AUTS2: variants seen among roughly 807,000 people sequenced by gnomAD.
The protein encoded by AUTS2 is activator of transcription and developmental regulator AUTS2.
AUTS2 carries 17 observed loss-of-function variants against 112.4 expected under a neutral mutation model. The ratio of observed to expected loss-of-function variants is 0.15; its 90% CI spans 0.10 to 0.23. The LOEUF (loss-of-function observed/expected upper bound fraction) is 0.23. AUTS2 is among the 10% of genes least tolerant of loss of function. AUTS2 has a pLI of 1.00. For missense variants in AUTS2, 1,510 were observed against 1,701.6 expected (o/e 0.89, Z 1.98); for synonymous variants, 751 against 702.7 (o/e 1.07, Z -1.09).
At position 70,020,019 on chromosome 7, in the gene AUTS2, A is replaced by G. The variant is rs563554547; in HGVS notation, c.523-98113A>G. On this transcript the variant is annotated intron_variant, in intron 2 of 18. Transcript: ENST00000342771. ...TGGGTATGTCCAAGATAGATAGGGG[A>G]GAAAGGTAAAAGAGAATATTAATGC... Among the ~76,000 whole-genome samples, 10 of 152,270 alleles carry G rather than the reference A, an allele frequency of 6.6e-5. No individual in the cohort carries two copies. The South Asian group carries it at 1.4e-3, about 22-fold the overall frequency.
intron 2 of AUTS2, among the ~76,000 whole-genome samples, chr7:69,920,633 T>G (rs1300330298): frequency 6.6e-6 from 1 of 152,158 alleles, no homozygotes; most frequent in African/African-American, 2.4e-5. Flanking sequence ...ATATGTTGAT[T>G]CTTCTGGCTT....
chr7:69,614,601 C>T (rs1793264444), intron 1 of AUTS2, among the ~76,000 whole-genome samples: 1 of 151,946 alleles, frequency 6.6e-6, no homozygotes, highest in Admixed American at 6.6e-5. Flanking sequence ...CCTCCTGCCT[C>T]AGCCTCCCAG....
At chr7:69,862,987 C>T (rs893411274) in intron 1 of AUTS2, among the ~76,000 whole-genome samples, 1 of 152,088 alleles carries the variant, frequency 6.6e-6, no homozygotes, top group African/African-American at 2.4e-5. Context: ...AAGAGATTTC[C>T]GAGACGTTTG....
chr7:69,853,553 C>T (rs925219902), intron 1 of AUTS2, among the ~76,000 whole-genome samples: 8 of 152,000 alleles, frequency 5.3e-5, no homozygotes, highest in African/African-American at 1.7e-4. Flanking sequence ...ATAGTTCATG[C>T]TTTTTTATTC....
At chr7:70,004,413 A>G (rs1799442462) in intron 2 of AUTS2, among the ~76,000 whole-genome samples, 2 of 48,384 alleles carry the variant, frequency 4.1e-5, no homozygotes, top group Admixed American at 7.0e-4. Context: ...ATGTGAATAT[A>G]TAATATATTA....
chr7:69,993,113 A>G (rs750275976), intron 2 of AUTS2, among the ~76,000 whole-genome samples: 4 of 152,122 alleles, frequency 2.6e-5, no homozygotes, highest in Non-Finnish European at 5.9e-5. Context: ...TACTTCCTCT[A>G]TGGGCTTCTT....
At chr7:70,675,591 C>G (rs1029424099) in intron 5 of AUTS2, among the ~76,000 whole-genome samples, 2 of 152,164 alleles carry the variant, frequency 1.3e-5, no homozygotes, top group African/African-American at 4.8e-5. Context: ...TTTGGTGGGT[C>G]AGAAATTCAG....
At chr7:70,037,143 GA>G (rs996590989) in intron 2 of AUTS2, among the ~76,000 whole-genome samples, 4 of 151,050 alleles carry the variant, frequency 2.6e-5, no homozygotes, top group South Asian at 2.1e-4. Flanking sequence ...AGTCAGACAT[GA>G]AAAAAAAATT....
At chr7:70,239,958 G>T (rs1026250428) in intron 4 of AUTS2, among the ~76,000 whole-genome samples, 1 of 152,142 alleles carries the variant, frequency 6.6e-6, no homozygotes, top group Non-Finnish European at 1.5e-5. Flanking sequence ...TTTAAGTAAC[G>T]GTAGGTAAGG....
intron 4 of AUTS2, among the ~76,000 whole-genome samples, chr7:70,265,240 A>G (rs1787360896): frequency 6.6e-6 from 1 of 152,334 alleles, no homozygotes; most frequent in South Asian, 2.1e-4. Flanking sequence ...ACTGGAGTAC[A>G]TGATAGTTTT....
Position 70,364,151 on chromosome 7 carries a change from TGGAA to T in AUTS2, c.661-71594_661-71591del, listed in dbSNP as rs530396326. On this transcript the variant is annotated intron_variant, in intron 4 of 18. Transcript: ENST00000342771. Reference sequence around the variant, plus strand: ...CATGTTGACAATTATCACGTTGATATGGAAGGAAGGGAGACTGGCTTACTAAAAA... The same window carrying T: ...CATGTTGACAATTATCACGTTGATATGGAAGGGAGACTGGCTTACTAAAAA... Among the ~76,000 whole-genome samples the T allele has an allele frequency of 1.2e-3, 182 of 152,162 alleles. 1 individual carries two copies. Among genetic ancestry groups the T allele is most frequent in the African/African-American group, 4.0e-3 (167 of 41,492 alleles).
chr7:69,812,915 G>A (rs1790604639), intron 1 of AUTS2, among the ~76,000 whole-genome samples: 2 of 152,010 alleles, frequency 1.3e-5, no homozygotes, highest in African/African-American at 4.8e-5. Context: ...CTCCTACTTT[G>A]CCTCCCTGCA....
chr7:70,405,035 G>C (rs1794474371), intron 4 of AUTS2, among the ~76,000 whole-genome samples: 1 of 152,140 alleles, frequency 6.6e-6, no homozygotes, highest in Admixed American at 6.5e-5. Context: ...GTATAGTTCA[G>C]GGGAAATGCA....
intron 5 of AUTS2, among the ~76,000 whole-genome samples, chr7:70,509,882 G>A (rs921335178): frequency 6.6e-6 from 1 of 152,178 alleles, no homozygotes; most frequent in Admixed American, 6.5e-5. Flanking sequence ...CTCTAGTGTG[G>A]AAGAAACACC....
chr7:70,615,110 G>A (rs1179127695), intron 5 of AUTS2, among the ~76,000 whole-genome samples: 1 of 152,206 alleles, frequency 6.6e-6, no homozygotes, highest in Non-Finnish European at 1.5e-5. Context: ...CATTTCCCCT[G>A]TCGTCTTTTT....
chr7:70,618,923 G>A (rs1425842875), intron 5 of AUTS2, among the ~76,000 whole-genome samples: 1 of 152,206 alleles, frequency 6.6e-6, no homozygotes, highest in East Asian at 1.9e-4. Flanking sequence ...CTGGGAGAGG[G>A]AAAAGCTTTA....
intron 4 of AUTS2, among the ~76,000 whole-genome samples, chr7:70,425,541 G>C (rs942415225): frequency 6.6e-6 from 1 of 152,196 alleles, no homozygotes; most frequent in Non-Finnish European, 1.5e-5. Flanking sequence ...TGTGGAATGA[G>C]TGGAAGGAGG....
intron 5 of AUTS2, among the ~76,000 whole-genome samples, chr7:70,682,780 C>A (rs978222361): frequency 6.6e-6 from 1 of 152,260 alleles, no homozygotes; most frequent in African/African-American, 2.4e-5. Context: ...TCTGCTAAGG[C>A]AAGTTCAGCT....
In AUTS2 at chr7:70,523,473, G is replaced by A. The variant is rs568868761; in HGVS notation, c.690+87692G>A. Among the ~76,000 whole-genome samples, 5 of 152,254 alleles carry A rather than the reference G, an allele frequency of 3.3e-5. No homozygotes were observed. In the East Asian group the frequency reaches 7.7e-4, roughly 24 times the overall value. ...TGCCTTAGAAATCAGAAGTGCAAGTGGTAAAGTTGACATCTTACTGTAAAA... is the reference window on the plus strand; with the variant it reads ...TGCCTTAGAAATCAGAAGTGCAAGTAGTAAAGTTGACATCTTACTGTAAAA... On this transcript the variant is annotated intron_variant, in intron 5 of 18. Transcript: ENST00000342771.
Sources: gnomAD v4.1 joint callset for allele counts (sites outside exome capture counted in the v4.1 genomes callset) on GRCh38, gnomAD v4.1.1 for gene constraint, MANE v1.5 for transcripts, NCBI Gene and HGNC (gene_info 2026-07-23, HGNC 2026-07-21) for gene names.